The following PIEZO2 variants were observed in gnomAD, a reference collection of about 807,000 sequenced individuals.
PIEZO2 encodes the protein piezo-type mechanosensitive ion channel component 2.
In PIEZO2, 172 loss-of-function variants were observed where a neutral mutation model predicts 337.3. That is an observed-to-expected ratio of 0.51 (90% CI 0.45 to 0.58). The LOEUF (loss-of-function observed/expected upper bound fraction) is 0.58, where lower values mean the gene tolerates loss of function less well. PIEZO2 is among the 20% of genes least tolerant of loss of function. PIEZO2 has a pLI of 0.00. For synonymous variants in PIEZO2, 1,251 were observed against 1,228.5 expected (o/e 1.02, Z -0.38); for missense variants, 3,028 against 3,391.3 (o/e 0.89, Z 2.66).
chr18:10,705,808 T>C, intron 40 of PIEZO2, 62 bp from the exon 41 acceptor site: 2 of 1,447,094 alleles, frequency 1.4e-6, no homozygotes, highest in Non-Finnish European at 1.8e-6. Flanking sequence ...TGGGGTTCTT[T>C]CCCATTCCTG....
At chr18:10,761,697 T>C (rs955272923) in intron 23 of PIEZO2, among the ~76,000 whole-genome samples, 2 of 152,226 alleles carry the variant, frequency 1.3e-5, no homozygotes, top group African/African-American at 2.4e-5. Flanking sequence ...ATTTGCTTTA[T>C]CCTCATAACA....
rs1282332168 is a variant in PIEZO2 at position 11,110,903 on chromosome 18, C to G, written c.64+37622G>C. Among the ~76,000 whole-genome samples the G allele has an allele frequency of 6.6e-6, 1 of 152,236 alleles. No homozygotes were observed. The highest frequency in any genetic ancestry group is 1.5e-5 in the Non-Finnish European group (1 of 68,038). On this transcript the variant is annotated intron_variant, in intron 1 of 55. Coordinates refer to ENST00000674853, the MANE Select transcript of PIEZO2 (RefSeq NM_001378183.1). This position sits in a 1 kb window ranked among gnomAD's most constrained non-coding sequence, Gnocchi z 4.2. ...ACCCTCTCCTGAGGTCTGCTCCACACACGAGGTGAGGCCAGGATGCTGTGC... is the reference window on the plus strand; with the variant it reads ...ACCCTCTCCTGAGGTCTGCTCCACAGACGAGGTGAGGCCAGGATGCTGTGC...
At position 10,726,543 on chromosome 18, in the gene PIEZO2, C is replaced by A; in HGVS notation, c.5029+4864G>T. 1 of 1,421,764 alleles carries A rather than the reference C, an allele frequency of 7.0e-7. No homozygotes were observed. The highest frequency in any genetic ancestry group is 9.3e-7 in the Non-Finnish European group (1 of 1,073,820). 88.1% of individuals were successfully genotyped at this position (1,421,764 alleles called of 1,614,324 possible). A position where few individuals can be genotyped will look rare whatever the true frequency, so the allele number is the denominator to read the frequency against. On this transcript the variant is annotated intron_variant, in intron 36 of 55. Coordinates refer to ENST00000674853, the MANE Select transcript of PIEZO2 (RefSeq NM_001378183.1). The surrounding 1 kb of genome is among the most constrained non-coding windows in gnomAD (Gnocchi z 5.9). ...CGCGCTGCGCTGCTCTGCTCTGCTA[C>A]ACCAGCCGCCACGCTGTGCGTCTGT...
intron 1 of PIEZO2, among the ~76,000 whole-genome samples, chr18:11,076,421 A>C (rs2145962747): frequency 6.6e-6 from 1 of 152,340 alleles, no homozygotes; most frequent in African/African-American, 2.4e-5. Flanking sequence ...AATCTAAGGA[A>C]AAAAATCCAG....
intron 3 of PIEZO2, among the ~76,000 whole-genome samples, chr18:10,972,202 G>A (rs264241): frequency 0.4 from 59,494 of 149,120 alleles, 12,936 homozygotes; most frequent in Non-Finnish European, 0.5. Context: ...GAGAGAGAGA[G>A]ATAATAGCAG....
chr18:10,684,259 G>T (rs1449943583), intron 49 of PIEZO2, among the ~76,000 whole-genome samples: 1 of 135,432 alleles, frequency 7.4e-6, no homozygotes, highest in Non-Finnish European at 1.5e-5. Context: ...TCCACCTCCT[G>T]GGTTCACGCC....
In PIEZO2 at chr18:10,980,899, G is replaced by A. The variant is rs77298175; in HGVS notation, c.161-1239C>T. 0.022 allele frequency among the ~76,000 whole-genome samples: 3,317 copies of A among 152,224 alleles called. 129 individuals are homozygous for A. The highest frequency in any genetic ancestry group is 0.075 in the African/African-American group (3,112 of 41,536). On this transcript the variant is annotated intron_variant, in intron 2 of 55. Coordinates refer to ENST00000674853, the MANE Select transcript of PIEZO2 (RefSeq NM_001378183.1). The surrounding 1 kb of genome is among the most constrained non-coding windows in gnomAD (Gnocchi z 4.8). ...CCATAATCAAAGTGGTTAACTAAGGGAGACTATCCTCCATAACCTGGGAAG... is the reference window on the plus strand; with the variant it reads ...CCATAATCAAAGTGGTTAACTAAGGAAGACTATCCTCCATAACCTGGGAAG...
rs137893689 is a variant in PIEZO2, at chr18:11,099,141, A to T, written c.65-32919T>A. 2.3e-3 allele frequency among the ~76,000 whole-genome samples: 356 copies of T among 152,208 alleles called. No individual in the cohort carries two copies. Among genetic ancestry groups the T allele is most frequent in the African/African-American group, 8.0e-3 (333 of 41,514 alleles). On this transcript the variant is annotated intron_variant, in intron 1 of 55. Coordinates refer to ENST00000674853, the MANE Select transcript of PIEZO2 (RefSeq NM_001378183.1). The surrounding 1 kb of genome is among the most constrained non-coding windows in gnomAD (Gnocchi z 5.4). ...TGCAGATTTTTCATAGTTAACATGA[A>T]TTATTTAACCAATTCCCTGACTGGA... is the stretch of plus-strand genomic sequence containing the variant.
intron 2 of PIEZO2, among the ~76,000 whole-genome samples, chr18:11,030,631 G>A (rs533019294): frequency 7.9e-5 from 12 of 152,222 alleles, no homozygotes; most frequent in South Asian, 2.1e-4. Flanking sequence ...GTGCTCCAGC[G>A]AAGAGTTAGA....
chr18:10,861,402 T>A lies in PIEZO2; in HGVS notation c.493-4191A>T, dbSNP rs1051238922. Among the ~76,000 whole-genome samples the A allele has an allele frequency of 6.6e-6, 1 of 152,264 alleles. No homozygotes were observed. The highest frequency in any genetic ancestry group is 1.5e-5 in the Non-Finnish European group (1 of 68,044). Reference sequence around the variant, plus strand: ...TTTAAAGATATTTAAGTCCTTTATCTCACCTCTTTAAAAGTTTATGATTTT... The same window carrying A: ...TTTAAAGATATTTAAGTCCTTTATCACACCTCTTTAAAAGTTTATGATTTT... On this transcript the variant is annotated intron_variant, in intron 5 of 55. Coordinates refer to ENST00000674853, the MANE Select transcript of PIEZO2 (RefSeq NM_001378183.1). This position sits in a 1 kb window ranked among gnomAD's most constrained non-coding sequence, Gnocchi z 4.3.
chr18:10,783,877 T>C lies in PIEZO2; in HGVS notation c.2492+907A>G, dbSNP rs578154425. On this transcript the variant is annotated intron_variant, in intron 17 of 55. Transcript: ENST00000674853. The surrounding 1 kb of genome is among the most constrained non-coding windows in gnomAD (Gnocchi z 4.3). ...TCCTACACAGCAGAACGCTGGAAGT[T>C]TGGCATTTTACGAAATGCATATCAT... Among the ~76,000 whole-genome samples, 37 of 152,346 alleles carry C rather than the reference T, an allele frequency of 2.4e-4. No individual in the cohort carries two copies. The highest frequency in any genetic ancestry group is 3.4e-3 in the Middle Eastern group (1 of 294).
rs1216451765 is a variant in PIEZO2 at position 11,031,758 on chromosome 18, C to T, written c.160+34369G>A. 6.6e-6 allele frequency among the ~76,000 whole-genome samples: 1 copy of T among 152,052 alleles called. No individual in the cohort carries two copies. The highest frequency in any genetic ancestry group is 1.9e-4 in the East Asian group (1 of 5,180). Reference sequence around the variant, plus strand: ...CTTGGTTGTAAGTTGATTCCATGGTCCCTGGGGCAAAAGTTGAGAACTGGG... The same window carrying T: ...CTTGGTTGTAAGTTGATTCCATGGTTCCTGGGGCAAAAGTTGAGAACTGGG... On this transcript the variant is annotated intron_variant, in intron 2 of 55. Transcript: ENST00000674853. This position sits in a 1 kb window ranked among gnomAD's most constrained non-coding sequence, Gnocchi z 4.7.
At position 10,942,043 on chromosome 18, in the gene PIEZO2, C is replaced by T. The variant is rs1040560079; in HGVS notation, c.287-30815G>A. Among the ~76,000 whole-genome samples, 1 of 152,214 alleles carries T rather than the reference C, an allele frequency of 6.6e-6. No individual in the cohort carries two copies. Among genetic ancestry groups the T allele is most frequent in the Non-Finnish European group, 1.5e-5 (1 of 68,040 alleles). ...CTGCTGCCATCCACGTAAGATGTGA[C>T]TTGCTCCTCCTTGCTTTCGGCCACG... is the stretch of plus-strand genomic sequence containing the variant. On this transcript the variant is annotated intron_variant, in intron 3 of 55. Coordinates refer to ENST00000674853, the MANE Select transcript of PIEZO2 (RefSeq NM_001378183.1). The surrounding 1 kb of genome is among the most constrained non-coding windows in gnomAD (Gnocchi z 4.4).
chr18:11,093,601 T>G, intron 1 of PIEZO2, among the ~76,000 whole-genome samples: 1 of 146,368 alleles, frequency 6.8e-6, no homozygotes, highest in South Asian at 2.3e-4. Flanking sequence ...TTTTTTTTTT[T>G]TCTGAGACGG....
Position 10,815,231 on chromosome 18 carries a change from C to T in PIEZO2, c.918-7957G>A, listed in dbSNP as rs1478245869. Among the ~76,000 whole-genome samples, 2 of 152,114 alleles carry T rather than the reference C, an allele frequency of 1.3e-5. No homozygotes were observed. The highest frequency in any genetic ancestry group is 2.9e-5 in the Non-Finnish European group (2 of 68,038). ...ATTCTACTTAGTATTTTAAAGCACA[C>T]CTTTTAAATGAAATTGCCTTAGCAT... On this transcript the variant is annotated intron_variant, in intron 7 of 55. Transcript: ENST00000674853. The surrounding 1 kb of genome is among the most constrained non-coding windows in gnomAD (Gnocchi z 4.1).
chr18:10,702,346 C>T (rs1474421798), intron 42 of PIEZO2, among the ~76,000 whole-genome samples, 175 bp from the exon 43 acceptor site: 1 of 152,196 alleles, frequency 6.6e-6, no homozygotes, highest in Non-Finnish European at 1.5e-5. Flanking sequence ...AGACTATTGA[C>T]TTCATAACAG....
chr18:10,927,682 T>C (rs1815921007), intron 3 of PIEZO2, among the ~76,000 whole-genome samples: 1 of 152,140 alleles, frequency 6.6e-6, no homozygotes, highest in Admixed American at 6.5e-5. Flanking sequence ...TGTTTTCAAA[T>C]TTGAGGTATT....
At position 10,716,136 on chromosome 18, in the gene PIEZO2, T is replaced by C. The variant is rs76571526; in HGVS notation, c.5090-320A>G. On this transcript the variant is annotated intron_variant, in intron 37 of 55. Coordinates refer to ENST00000674853, the MANE Select transcript of PIEZO2 (RefSeq NM_001378183.1). The surrounding 1 kb of genome is among the most constrained non-coding windows in gnomAD (Gnocchi z 4.1). Reference sequence around the variant, plus strand: ...AGCGTGGATCCACTCTACGCGTGGATTGTTTTCAGTAAAAGTTACTCCAAA... The same window carrying C: ...AGCGTGGATCCACTCTACGCGTGGACTGTTTTCAGTAAAAGTTACTCCAAA... 2.1e-3 allele frequency among the ~76,000 whole-genome samples: 326 copies of C among 152,254 alleles called. 3 individuals are homozygous for C. The highest frequency in any genetic ancestry group is 7.0e-3 in the African/African-American group (292 of 41,540).
intron 1 of PIEZO2, among the ~76,000 whole-genome samples, chr18:11,135,613 T>C (rs980812534): frequency 6.6e-6 from 1 of 152,176 alleles, no homozygotes; most frequent in South Asian, 2.1e-4. Flanking sequence ...AATGGCGTGA[T>C]CTTGGCTCAC....
Sources: allele counts gnomAD v4.1 joint callset (sites outside exome capture counted in the v4.1 genomes callset), GRCh38; gene constraint gnomAD v4.1.1; non-coding constraint Gnocchi (gnomAD v3.1); transcripts MANE v1.5; gene names NCBI Gene and HGNC (gene_info 2026-07-23, HGNC 2026-07-21).